Variants in ZDHHC17 observed in about 807,000 individuals in gnomAD.
ZDHHC17 encodes palmitoyltransferase ZDHHC17.
A neutral mutation model predicts 90.3 loss-of-function variants in ZDHHC17; 40 were observed. That is an observed-to-expected ratio of 0.44 (90% CI 0.34 to 0.58). ZDHHC17 has a LOEUF of 0.58. ZDHHC17 is among the 20% of genes least tolerant of loss of function. The pLI, the probability that ZDHHC17 is intolerant of heterozygous loss-of-function variation, is 0.01. For synonymous variants in ZDHHC17, 235 were observed against 252.4 expected (o/e 0.93, Z 0.65); for missense variants, 614 against 780.8 (o/e 0.79, Z 2.55).
At chr12:76,819,454 G>A (rs1953132835) in intron 7 of ZDHHC17, among the ~76,000 whole-genome samples, 1 of 152,062 alleles carries the variant, frequency 6.6e-6, no homozygotes, top group South Asian at 2.1e-4. Context: ...TGCAAATCTG[G>A]CTATGGCTTT....
intron 10 of ZDHHC17, among the ~76,000 whole-genome samples, chr12:76,829,731 A>G (rs1953276395): frequency 6.6e-6 from 1 of 152,084 alleles, no homozygotes; most frequent in Non-Finnish European, 1.5e-5. Context: ...TTTTGCCTTC[A>G]TGAAAAGGTG....
At chr12:76,793,899 T>A (rs1303853148) in intron 1 of ZDHHC17, among the ~76,000 whole-genome samples, 1 of 152,104 alleles carries the variant, frequency 6.6e-6, no homozygotes, top group Non-Finnish European at 1.5e-5. Context: ...TTATTTTATT[T>A]TTTTGAGACA....
At chr12:76,794,084 A>G (rs1266924563) in intron 1 of ZDHHC17, among the ~76,000 whole-genome samples, 1 of 151,962 alleles carries the variant, frequency 6.6e-6, no homozygotes, top group Non-Finnish European at 1.5e-5. Flanking sequence ...ACGGGGTTTC[A>G]CTGTGTTAGC....
intron 5 of ZDHHC17, among the ~76,000 whole-genome samples, chr12:76,814,895 A>G (rs1188250213): frequency 6.6e-6 from 1 of 152,036 alleles, no homozygotes; most frequent in Non-Finnish European, 1.5e-5. Context: ...AAGAATTTTA[A>G]ATGTGAAACA....
intron 7 of ZDHHC17, among the ~76,000 whole-genome samples, chr12:76,817,716 C>A (rs931036260): frequency 7.9e-5 from 12 of 151,942 alleles, no homozygotes; most frequent in African/African-American, 2.7e-4. Context: ...TTCTCATTAG[C>A]CATTGCGTAA....
rs571023930 is a variant in ZDHHC17, at chr12:76,794,790, T to C, written c.94-2644T>C. Among the ~76,000 whole-genome samples, 28 of 152,326 alleles carry C rather than the reference T, an allele frequency of 1.8e-4. No individual in the cohort carries two copies. The East Asian group carries it at 2.3e-3, about 13-fold the overall frequency. ...CATTATGTACAGTAAATGAGGTCTCTGGGCATGAAAATAAAATTAAAGTTT... is the reference window on the plus strand; with the variant it reads ...CATTATGTACAGTAAATGAGGTCTCCGGGCATGAAAATAAAATTAAAGTTT... On this transcript the variant is annotated intron_variant, in intron 1 of 16. Transcript: ENST00000426126.
chr12:76,837,383 T>C (rs976560332), intron 10 of ZDHHC17, among the ~76,000 whole-genome samples: 5 of 152,202 alleles, frequency 3.3e-5, no homozygotes, highest in Admixed American at 3.3e-4. Context: ...TAGTCCCAGC[T>C]ACTCAGGAGG....
chr12:76,821,016 A>G (rs532524824), intron 7 of ZDHHC17: 1 of 1,137,416 alleles, frequency 8.8e-7, no homozygotes, highest in East Asian at 5.8e-5. Context: ...CTGGAGGAGT[A>G]GTTGAAAGAT....
intron 16 of ZDHHC17, 144 bp from the exon 17 acceptor site, chr12:76,850,703 G>T (rs1028022981): frequency 2.5e-5 from 22 of 884,292 alleles, no homozygotes; most frequent in African/African-American, 3.4e-5. Context: ...ATATTTTATA[G>T]AGTTATGAAT....
intron 1 of ZDHHC17, among the ~76,000 whole-genome samples, chr12:76,766,751 G>C (rs1952435763): frequency 6.6e-6 from 1 of 152,084 alleles, no homozygotes; most frequent in African/African-American, 2.4e-5. Flanking sequence ...TGGGCTCGGA[G>C]GCTCACACCT....
chr12:76,833,180 A>C (rs1250918873), intron 10 of ZDHHC17, among the ~76,000 whole-genome samples: 2 of 152,058 alleles, frequency 1.3e-5, no homozygotes, highest in Non-Finnish European at 2.9e-5. Flanking sequence ...CCTTATGTTT[A>C]TTTGGTGCTT....
chr12:76,776,965 C>G (rs1486988236), intron 1 of ZDHHC17, among the ~76,000 whole-genome samples: 3 of 152,132 alleles, frequency 2.0e-5, no homozygotes, highest in Admixed American at 6.5e-5. Context: ...GTTGTAGATT[C>G]ACATGCAGTT....
At chr12:76,802,608 C>CT (rs1565779658) in intron 2 of ZDHHC17, among the ~76,000 whole-genome samples, 1 of 152,206 alleles carries the variant, frequency 6.6e-6, no homozygotes, top group East Asian at 1.9e-4. Flanking sequence ...ACTGTCTTCA[C>CT]TTTCCTTCGG....
chr12:76,787,868 A>G (rs1430502477), intron 1 of ZDHHC17, among the ~76,000 whole-genome samples: 2 of 152,228 alleles, frequency 1.3e-5, no homozygotes, highest in African/African-American at 4.8e-5. Flanking sequence ...AACTCTCAGA[A>G]TCATATTAGT....
chr12:76,826,882 T>G, intron 8 of ZDHHC17, 26 bp from the exon 9 acceptor site: 1 of 1,498,496 alleles, frequency 6.7e-7, no homozygotes, highest in Non-Finnish European at 8.8e-7. Context: ...ATGCAAAAAC[T>G]TTTCTAATTT....
At chr12:76,801,999 G>A (rs541163366) in intron 2 of ZDHHC17, among the ~76,000 whole-genome samples, 4 of 152,064 alleles carry the variant, frequency 2.6e-5, no homozygotes, top group African/African-American at 4.8e-5. Flanking sequence ...TTATTGTTAC[G>A]TCATACTAGG....
chr12:76,816,662 C>T (rs1447783119), intron 7 of ZDHHC17, among the ~76,000 whole-genome samples: 1 of 151,840 alleles, frequency 6.6e-6, no homozygotes, highest in East Asian at 1.9e-4. Context: ...TCTGAAATGG[C>T]CAATCAAAAA....
chr12:76,792,281 C>T (rs1204091445), intron 1 of ZDHHC17, among the ~76,000 whole-genome samples: 1 of 152,126 alleles, frequency 6.6e-6, no homozygotes, highest in Non-Finnish European at 1.5e-5. Context: ...ATTTTAGGAG[C>T]CTTGTGCCGT....
intron 16 of ZDHHC17, 30 bp from the exon 17 acceptor site, chr12:76,850,817 C>T (rs372260517): frequency 3.5e-5 from 57 of 1,607,086 alleles, no homozygotes; most frequent in Non-Finnish European, 4.5e-5. Flanking sequence ...TACTGACTGA[C>T]GTGTTTTCTT....
Sources: gnomAD v4.1 joint callset for allele counts (sites outside exome capture counted in the v4.1 genomes callset) on GRCh38, gnomAD v4.1.1 for gene constraint, MANE v1.5 for transcripts, NCBI Gene and HGNC (gene_info 2026-07-23, HGNC 2026-07-21) for gene names.